The following PRG4 variants were observed in gnomAD, a reference collection of about 807,000 sequenced individuals.
PRG4 encodes the protein articular superficial zone protein.
PRG4 carries 61 observed loss-of-function variants against 91.2 expected under a neutral mutation model. The observed-to-expected ratio is 0.67, with a 90% CI of 0.54 to 0.83. The LOEUF is 0.83. Among genes scored for constraint, PRG4 ranks in the 40% least tolerant of loss-of-function variants. The pLI, the probability that PRG4 is intolerant of heterozygous loss-of-function variation, is 0.00. For missense variants in PRG4, 1,564 were observed against 1,714.2 expected (o/e 0.91, Z 1.55); for synonymous variants, 576 against 614.2 (o/e 0.94, Z 0.92).
rs1326054276 is a variant in PRG4, at chr1:186,308,691, C to T, written c.2972C>T (p.Thr991Ile). Residue 991 changes from threonine (T) to isoleucine (I), a missense_variant, in exon 7 of 13, where the codon ACA (threonine) becomes ATA (isoleucine). Thr to Ile is a moderately conservative substitution (Grantham distance 89). Coordinates refer to ENST00000445192, the MANE Select transcript of PRG4 (RefSeq NM_005807.6). ...LAPKVTTTKK[T>I]ITTTEIMNKP... ...CCCAAAGTAACTACAACAAAAAAGACAATTACTACCACTGAGATTATGAAC... is the reference window on the plus strand; with the variant it reads ...CCCAAAGTAACTACAACAAAAAAGATAATTACTACCACTGAGATTATGAAC... The T allele has an allele frequency of 3.1e-6, 5 of 1,611,634 alleles. No individual in the cohort carries two copies. The African/African-American group carries it at 6.7e-5, about 22-fold the overall frequency.
At chr1:186,313,120 CCA>C (rs1268128990) in intron 12 of PRG4, 5 of 541,602 alleles carry the variant, frequency 9.2e-6, no homozygotes, top group Admixed American at 3.1e-5. Flanking sequence ...GATAAAACAT[CCA>C]GTTACTAGAG....
chr1:186,300,462 C>G (rs1198720021), intron 3 of PRG4, among the ~76,000 whole-genome samples: 3 of 152,204 alleles, frequency 2.0e-5, no homozygotes, highest in African/African-American at 7.2e-5. Flanking sequence ...GCCTGGAAGT[C>G]TGTCACTTGC....
At chr1:186,301,217 G>A (rs991495004) in intron 3 of PRG4, among the ~76,000 whole-genome samples, 1 of 152,130 alleles carries the variant, frequency 6.6e-6, no homozygotes, top group Admixed American at 6.5e-5. Flanking sequence ...CAATTACTGT[G>A]AATCTATTAC....
intron 3 of PRG4, 51 bp from the exon 4 acceptor site, chr1:186,301,541 G>C (rs983553361): frequency 6.2e-7 from 1 of 1,611,736 alleles, no homozygotes; most frequent in South Asian, 1.1e-5. Flanking sequence ...CAAATACGTG[G>C]GCCTGGCTTC....
chr1:186,300,945 A>T (rs1287702666), intron 3 of PRG4, among the ~76,000 whole-genome samples: 3 of 152,348 alleles, frequency 2.0e-5, no homozygotes, highest in Non-Finnish European at 4.4e-5. Context: ...TGGATAGGTA[A>T]TTATTTCAAA....
Position 186,307,283 on chromosome 1 carries a change from C to G in PRG4, c.1564C>G (p.Pro522Ala), listed in dbSNP as rs752899027. The change falls in exon 7 of 13, where the codon CCT becomes GCT. Residue 522 changes from proline to alanine, a missense_variant. Around this residue, in one of 3 missense-constraint regions of PRG4, gnomAD observed 1,079 missense variants for 1,162.2 expected, o/e 0.93. Transcript: ENST00000445192. ...KEPSPTTPKEPAPTTTKSAPT... is the reference protein window; with the variant it reads ...KEPSPTTPKEAAPTTTKSAPT... Reference sequence around the variant, plus strand: ...GCCTTCACCCACCACTCCCAAGGAGCCTGCACCCACCACCACCAAGTCTGC... The same window carrying G: ...GCCTTCACCCACCACTCCCAAGGAGGCTGCACCCACCACCACCAAGTCTGC... 6.3e-7 allele frequency: 1 copy of G among 1,594,750 alleles called. No individual in the cohort carries two copies. Among genetic ancestry groups the G allele is most frequent in the Admixed American group, 1.7e-5 (1 of 58,288 alleles).
Position 186,308,905 on chromosome 1 carries a change from G to C in PRG4, c.3186G>C (p.Leu1062Phe), listed in dbSNP as rs1468513638. 1 of 1,613,056 alleles carries C rather than the reference G, an allele frequency of 6.2e-7. No homozygotes were observed. The highest frequency in any genetic ancestry group is 8.5e-7 in the Non-Finnish European group (1 of 1,179,758). The change falls in exon 7 of 13, where the codon TTG becomes TTC. Residue 1062 changes from leucine (L) to phenylalanine (F), a missense_variant. Transcript: ENST00000445192. ...AGATGACATCAACAATGCCAGAATTGAACCCTACCTCAAGAATAGCAGAAG... is the reference window on the plus strand; with the variant it reads ...AGATGACATCAACAATGCCAGAATTCAACCCTACCTCAAGAATAGCAGAAG... ...PRKMTSTMPE[L>F]NPTSRIAEAM...
Position 186,307,682 on chromosome 1 carries a change from G to T in PRG4, c.1963G>T (p.Glu655Ter), listed in dbSNP as rs771143941. 6.3e-7 allele frequency: 1 copy of T among 1,597,854 alleles called. No individual in the cohort carries two copies. Among genetic ancestry groups the T allele is most frequent in the East Asian group, 2.3e-5 (1 of 44,338 alleles). The change falls in exon 7 of 13, where the codon GAG becomes TAG. Residue 655 changes from glutamate to a stop codon, truncating the protein, a stop_gained. Coordinates refer to ENST00000445192, the MANE Select transcript of PRG4 (RefSeq NM_005807.6). LOFTEE classifies it high-confidence loss of function. ...PEELAPTTPE[E>*]PTPTTPEEPA... Reference sequence around the variant, plus strand: ...GGAGCTCGCACCCACCACCCCTGAGGAGCCCACACCCACCACCCCTGAGGA... The same window carrying T: ...GGAGCTCGCACCCACCACCCCTGAGTAGCCCACACCCACCACCCCTGAGGA...
In PRG4 at chr1:186,304,884, A is replaced by C. The variant is rs142056687; in HGVS notation, c.560A>C (p.Asn187Thr). The C allele has an allele frequency of 1.7e-4, 271 of 1,613,444 alleles. No individual in the cohort carries two copies. Among genetic ancestry groups the C allele is most frequent in the Middle Eastern group, 3.3e-4 (2 of 6,078 alleles). The change falls in exon 6 of 13, where the codon AAT becomes ACT. Residue 187 changes from asparagine to threonine, a missense_variant. Physicochemically the swap from Asn to Thr is moderately conservative, Grantham distance 65. This residue lies in a region of PRG4 where 437 missense variants were observed against 459.0 expected (regional missense o/e 0.95). Coordinates refer to ENST00000445192, the MANE Select transcript of PRG4 (RefSeq NM_005807.6). ...STIRKIKSSK[N>T]SAANRELQKK... is the part of the protein sequence containing the mutation. ...ATTCGGAAAATCAAGTCTTCCAAAA[A>C]TTCAGCTGCTAATAGAGAATTACAG...
At chr1:186,298,133 C>T (rs1411053710) in intron 2 of PRG4, among the ~76,000 whole-genome samples, 1 of 152,162 alleles carries the variant, frequency 6.6e-6, no homozygotes, top group Non-Finnish European at 1.5e-5. Context: ...GTAATCCCAG[C>T]ATTCTGGGAG....
intron 6 of PRG4, among the ~76,000 whole-genome samples, chr1:186,305,618 C>G (rs1656504488): frequency 6.6e-6 from 1 of 152,184 alleles, no homozygotes; most frequent in African/African-American, 2.4e-5. Flanking sequence ...AGCATTCGCT[C>G]TAAATAAATA....
chr1:186,314,101 C>A lies in PRG4; in HGVS notation c.*323C>A. ...ACTAGTGTATTCACTTACCCTAGTT[C>A]ATTATAAAAAATATCTAGGCATTGT... is the stretch of plus-strand genomic sequence containing the variant. On this transcript the variant is annotated 3_prime_UTR_variant, in exon 13 of 13. Transcript: ENST00000445192. The A allele has an allele frequency of 7.3e-7, 1 of 1,366,060 alleles. No homozygotes were observed. The highest frequency in any genetic ancestry group is 1.3e-5 in the South Asian group (1 of 79,766). 84.6% of individuals were successfully genotyped at this position (1,366,060 alleles called of 1,614,324 possible). A position where few individuals can be genotyped will look rare whatever the true frequency, so the allele number is the denominator to read the frequency against.
chr1:186,305,103 TAAG>T (rs1056053564), intron 6 of PRG4, among the ~76,000 whole-genome samples, 181 bp downstream of exon 6: 1 of 152,206 alleles, frequency 6.6e-6, no homozygotes, highest in Admixed American at 6.5e-5. Flanking sequence ...GCCAAGCGGC[TAAG>T]AAGCCACTCT....
At chr1:186,309,361 C>G (rs1657000072) in intron 7 of PRG4, among the ~76,000 whole-genome samples, 1 of 152,068 alleles carries the variant, frequency 6.6e-6, no homozygotes, top group Admixed American at 6.6e-5. Flanking sequence ...ATATGTGTGT[C>G]TGTGAGCAGC....
chr1:186,310,381 CGTACA>C (rs975141827), intron 8 of PRG4, among the ~76,000 whole-genome samples: 6 of 152,224 alleles, frequency 3.9e-5, no homozygotes, highest in Admixed American at 6.5e-5. Flanking sequence ...AATTCCTTTT[CGTACA>C]GTAGAGGCTA....
Position 186,313,689 on chromosome 1 carries a change from T to C in PRG4, c.4126T>C (p.Tyr1376His), listed in dbSNP as rs749613414. Residue 1376 changes from tyrosine (Y) to histidine (H), a missense_variant, in exon 13 of 13, where the codon TAT (tyrosine) becomes CAT (histidine). Transcript: ENST00000445192. ...TTTTCTCTTCCATTTAGATCAATACTATAACATTGATGTGCCTAGTAGAAC... is the reference window on the plus strand; with the variant it reads ...TTTTCTCTTCCATTTAGATCAATACCATAACATTGATGTGCCTAGTAGAAC... ...DYYAFSKDQY[Y>H]NIDVPSRTAR... 6.3e-7 allele frequency: 1 copy of C among 1,595,062 alleles called. No individual in the cohort carries two copies. The highest frequency in any genetic ancestry group is 8.6e-7 in the Non-Finnish European group (1 of 1,162,822).
At chr1:186,303,946 A>G (rs555259888) in intron 4 of PRG4, among the ~76,000 whole-genome samples, 162 bp from the exon 5 acceptor site, 1 of 152,318 alleles carries the variant, frequency 6.6e-6, no homozygotes, top group South Asian at 2.1e-4. Flanking sequence ...ATAGCAATGC[A>G]TCCTTAGACT....
chr1:186,311,691 T>C lies in PRG4; in HGVS notation c.3793+95T>C, dbSNP rs977949316. 4.7e-6 allele frequency: 6 copies of C among 1,282,096 alleles called. No homozygotes were observed. The African/African-American group carries it at 8.9e-5, about 19-fold the overall frequency. 79.4% of individuals were successfully genotyped at this position (1,282,096 alleles called of 1,614,324 possible). A position where few individuals can be genotyped will look rare whatever the true frequency, so the allele number is the denominator to read the frequency against. ...TGACTTTACTGTCAAAAGATATCTTTAATGGCTGAAATCAAATATTTTCAG... is the reference window on the plus strand; with the variant it reads ...TGACTTTACTGTCAAAAGATATCTTCAATGGCTGAAATCAAATATTTTCAG... On this transcript the variant is annotated intron_variant, in intron 10 of 12. Transcript: ENST00000445192.
Position 186,304,211 on chromosome 1 carries a change from C to G in PRG4, c.423C>G (p.Asn141Lys), listed in dbSNP as rs983688068. Reference protein sequence around the residue: ...STTKRSPKPPNKKKTKKVIES... With the variant: ...STTKRSPKPPKKKKTKKVIES... ...CCAAACGTTCACCCAAACCACCAAA[C>G]AAGAAGAAGACTAAGAAAGTTATAG... Residue 141 changes from asparagine (N) to lysine (K), a missense_variant, in exon 5 of 13, where the codon AAC becomes AAG. This residue lies in a region of PRG4 where 437 missense variants were observed against 459.0 expected (regional missense o/e 0.95). Transcript: ENST00000445192. 3.7e-6 allele frequency: 6 copies of G among 1,613,686 alleles called. No individual in the cohort carries two copies. Among genetic ancestry groups the G allele is most frequent in the East Asian group, 2.2e-5 (1 of 44,872 alleles).
Sources: gnomAD v4.1 joint callset for allele counts (sites outside exome capture counted in the v4.1 genomes callset) on GRCh38, gnomAD v4.1.1 for gene constraint, gnomAD v4.1.1 regional missense constraint, MANE v1.5 for transcripts, NCBI Gene and HGNC (gene_info 2026-07-23, HGNC 2026-07-21) for gene names.